Variants in ZNF660 observed in about 807,000 individuals in gnomAD.
The protein encoded by ZNF660 is zinc finger protein 660.
In ZNF660, 24 loss-of-function variants were observed where a neutral mutation model predicts 23.2. The observed-to-expected ratio is 1.04, with a 90% CI of 0.75 to 1.46. The LOEUF (loss-of-function observed/expected upper bound fraction) is 1.46, where lower values mean the gene tolerates loss of function less well. Among genes scored for constraint, ZNF660 ranks in the 40% most tolerant of loss-of-function variants. The pLI is 0.00. For synonymous variants in ZNF660, 117 were observed against 131.4 expected (o/e 0.89, Z 0.75); for missense variants, 373 against 396.8 (o/e 0.94, Z 0.51).
chr3:44,594,286 T>C lies in ZNF660; in HGVS notation c.93T>C (p.Asn31=), dbSNP rs371987898. ...GTGACCAAGAATCTGAAAAAGACAA[T>C]AGTCAGTGCTGTGACCCTGCAACAA... The part of the protein sequence containing the change: ...EGSDQESEKD[N]SQCCDPATNE... Residue 31 remains asparagine, a synonymous_variant, in exon 3 of 3, where the codon AAT becomes AAC. Transcript: ENST00000322734. The C allele has an allele frequency of 1.2e-6, 2 of 1,613,960 alleles. No individual in the cohort carries two copies. The highest frequency in any genetic ancestry group is 1.1e-5 in the South Asian group (1 of 91,080).
rs770310137 is a variant in ZNF660, at chr3:44,594,865, A to G, written c.672A>G (p.Gly224=). ...AGCCTTATGAATGTGATGAGTGTGGAAAAACTTTCATCTTAAGGAAAACTC... is the reference window on the plus strand; with the variant it reads ...AGCCTTATGAATGTGATGAGTGTGGGAAAACTTTCATCTTAAGGAAAACTC... The part of the protein sequence containing the change: ...GEKPYECDEC[G]KTFILRKTLN... The change falls in exon 3 of 3, where the codon GGA becomes GGG. Residue 224 remains glycine, a synonymous_variant. Transcript: ENST00000322734. 2.2e-5 allele frequency: 35 copies of G among 1,614,000 alleles called. No individual in the cohort carries two copies. Among genetic ancestry groups the G allele is most frequent in the African/African-American group, 4.0e-5 (3 of 74,926 alleles).
rs1700560703 is a variant in ZNF660 at position 44,594,883 on chromosome 3, G to A, written c.690G>A (p.Arg230=). ...CDECGKTFIL[R]KTLNEHQRLH... is the part of the protein sequence containing the mutation. ...AGTGTGGAAAAACTTTCATCTTAAG[G>A]AAAACTCTTAATGAACACCAGAGAC... Residue 230 remains arginine (R), a synonymous_variant, in exon 3 of 3, where the codon AGG becomes AGA. Transcript: ENST00000322734. The A allele has an allele frequency of 8.1e-6, 13 of 1,613,872 alleles. No individual in the cohort carries two copies. The highest frequency in any genetic ancestry group is 1.1e-5 in the Non-Finnish European group (13 of 1,180,022).
chr3:44,588,085 T>G (rs1700290017), intron 2 of ZNF660, among the ~76,000 whole-genome samples: 2 of 151,874 alleles, frequency 1.3e-5, no homozygotes, highest in African/African-American at 4.8e-5. Flanking sequence ...AAGAAAGAAA[T>G]ACCTGTGACT....
intron 2 of ZNF660, among the ~76,000 whole-genome samples, chr3:44,588,307 G>A (rs886963589): frequency 6.6e-6 from 1 of 152,000 alleles, no homozygotes; most frequent in Non-Finnish European, 1.5e-5. Context: ...ATGATCTCAC[G>A]AGAACTCACT....
intron 2 of ZNF660, among the ~76,000 whole-genome samples, chr3:44,592,534 G>C (rs1317690287): frequency 6.6e-6 from 1 of 152,112 alleles, no homozygotes; most frequent in Non-Finnish European, 1.5e-5. Flanking sequence ...CTGATGTTTG[G>C]TTTCATGTAT....
Position 44,595,112 on chromosome 3 carries a change from T to A in ZNF660, c.919T>A (p.Cys307Ser). ...TKEKPYKCSE[C>S]GKAYRYSSQL... Reference sequence around the variant, plus strand: ...GGAGAAACCCTATAAATGTAGTGAGTGTGGGAAAGCCTATCGGTATAGTTC... The same window carrying A: ...GGAGAAACCCTATAAATGTAGTGAGAGTGGGAAAGCCTATCGGTATAGTTC... The change falls in exon 3 of 3, where the codon TGT (cysteine) becomes AGT (serine). Residue 307 changes from cysteine (C) to serine (S), a missense_variant. By Grantham distance (112) the Cys-to-Ser change is moderately radical. Coordinates refer to ENST00000322734, the MANE Select transcript of ZNF660 (RefSeq NM_173658.4). The A allele has an allele frequency of 6.2e-7, 1 of 1,613,884 alleles. No homozygotes were observed. The highest frequency in any genetic ancestry group is 8.5e-7 in the Non-Finnish European group (1 of 1,179,944).
Position 44,585,013 on chromosome 3 carries a change from G to A in ZNF660, c.-290+6G>A, listed in dbSNP as rs1194120188. ...ATGTGGGTCTGGCGCTTTCGGTGAG[G>A]GGTGCTCTACAGTCTGGCGTGGGGG... On this transcript the variant is annotated splice_donor_region_variant and intron_variant, in intron 1 of 2. Transcript: ENST00000322734. The A allele has an allele frequency of 6.6e-6, 1 of 152,516 alleles. No homozygotes were observed. Among genetic ancestry groups the A allele is most frequent in the Non-Finnish European group, 1.5e-5 (1 of 68,286 alleles). The allele number at this position is 152,516 out of a possible 1,614,324, so 9.4% of individuals were successfully genotyped here.
Position 44,587,407 on chromosome 3 carries a change from C to A in ZNF660, c.-181+1194C>A, listed in dbSNP as rs997971956. Among the ~76,000 whole-genome samples the A allele has an allele frequency of 2.0e-5, 3 of 152,182 alleles. No individual in the cohort carries two copies. The East Asian group carries it at 5.8e-4, about 29-fold the overall frequency. On this transcript the variant is annotated intron_variant, in intron 2 of 2. Transcript: ENST00000322734. ...AGGGCCTTATCAGTCCTCATACATT[C>A]ACTGGCTGTCTGAGATTTTGCTTTT...
rs946514168 is a variant in ZNF660, at chr3:44,597,960, G to A, written c.*2771G>A. 5.3e-5 allele frequency: 8 copies of A among 152,146 alleles called. No homozygotes were observed. The highest frequency in any genetic ancestry group is 4.6e-4 in the Admixed American group (7 of 15,276). 9.4% of individuals were successfully genotyped at this position (152,146 alleles called of 1,614,324 possible). On this transcript the variant is annotated 3_prime_UTR_variant, in exon 3 of 3. Transcript: ENST00000322734. This position sits in a 1 kb window ranked among gnomAD's most constrained non-coding sequence, Gnocchi z 4.1. ...CTGCATCCTTTCAGATAAACATTCA[G>A]CTATAATTTGAACTGATCACCCACC...
intron 2 of ZNF660, among the ~76,000 whole-genome samples, chr3:44,589,881 C>G (rs369397928): frequency 6.6e-6 from 1 of 150,760 alleles, no homozygotes; most frequent in Admixed American, 6.6e-5. Context: ...GTAAGCAGGA[C>G]GGACAAAATC....
intron 2 of ZNF660, among the ~76,000 whole-genome samples, chr3:44,590,791 C>T (rs992026279): frequency 2.0e-5 from 3 of 152,226 alleles, no homozygotes; most frequent in Non-Finnish European, 2.9e-5. Context: ...TTCACTTGCT[C>T]TACTGCTCTG....
At position 44,595,073 on chromosome 3, in the gene ZNF660, A is replaced by G. The variant is rs1033881865; in HGVS notation, c.880A>G (p.Arg294Gly). The change falls in exon 3 of 3, where the codon AGA becomes GGA. Residue 294 changes from arginine (R) to glycine (G), a missense_variant. Coordinates refer to ENST00000322734, the MANE Select transcript of ZNF660 (RefSeq NM_173658.4). ...RQTSQVILHL[R>G]THTKEKPYKC... Reference sequence around the variant, plus strand: ...GACTTCTCAAGTTATTCTACACTTGAGAACCCACACTAAGGAGAAACCCTA... The same window carrying G: ...GACTTCTCAAGTTATTCTACACTTGGGAACCCACACTAAGGAGAAACCCTA... 1 of 1,613,940 alleles carries G rather than the reference A, an allele frequency of 6.2e-7. No individual in the cohort carries two copies. The highest frequency in any genetic ancestry group is 1.7e-5 in the Admixed American group (1 of 60,012).
Position 44,594,584 on chromosome 3 carries a change from G to A in ZNF660, c.391G>A (p.Glu131Lys). The A allele has an allele frequency of 6.2e-7, 1 of 1,613,890 alleles. No individual in the cohort carries two copies. The highest frequency in any genetic ancestry group is 8.5e-7 in the Non-Finnish European group (1 of 1,179,960). Residue 131 changes from glutamate (E) to lysine (K), a missense_variant, in exon 3 of 3, where the codon GAG (glutamate) becomes AAG (lysine). Glu to Lys is a moderately conservative substitution (Grantham distance 56). Transcript: ENST00000322734. The stretch of plus-strand genomic sequence containing the variant: ...TCGGCACCAGGGAATCCACAGTGGG[G>A]AGAAAACTTATGAATGTAAAGAGTG... ...LIRHQGIHSG[E>K]KTYECKECGK...
In ZNF660 at chr3:44,594,764, A is replaced by C. The variant is rs777197711; in HGVS notation, c.571A>C (p.Lys191Gln). Residue 191 changes from lysine (K) to glutamine (Q), a missense_variant, in exon 3 of 3, where the codon AAA (lysine) becomes CAA (glutamine). Coordinates refer to ENST00000322734, the MANE Select transcript of ZNF660 (RefSeq NM_173658.4). The stretch of plus-strand genomic sequence containing the variant: ...AATGCACAGAGGAAAAAAAGTTTAC[A>C]AATGTAAGGAGTGTGGGAAAACATG... Reference protein sequence around the residue: ...QRMHRGKKVYKCKECGKTCGS... With the variant: ...QRMHRGKKVYQCKECGKTCGS... The C allele has an allele frequency of 6.2e-7, 1 of 1,614,036 alleles. No homozygotes were observed. Among genetic ancestry groups the C allele is most frequent in the South Asian group, 1.1e-5 (1 of 91,076 alleles).
chr3:44,596,647 T>G lies in ZNF660; in HGVS notation c.*1458T>G, dbSNP rs1383650440. The G allele has an allele frequency of 3.3e-5, 5 of 152,226 alleles. No individual in the cohort carries two copies. The highest frequency in any genetic ancestry group is 7.3e-5 in the Non-Finnish European group (5 of 68,044). The allele number at this position is 152,226 out of a possible 1,614,324, so 9.4% of individuals were successfully genotyped here. The stretch of plus-strand genomic sequence containing the variant: ...TCCATAATTTTCAGCATGTTGACTT[T>G]CATTTTTCATAACCTCATGGTGGCA... On this transcript the variant is annotated 3_prime_UTR_variant, in exon 3 of 3. Transcript: ENST00000322734.
In ZNF660 at chr3:44,594,668, G is replaced by A; in HGVS notation, c.475G>A (p.Glu159Lys). The A allele has an allele frequency of 1.2e-6, 2 of 1,613,630 alleles. No individual in the cohort carries two copies. The highest frequency in any genetic ancestry group is 1.7e-5 in the Admixed American group (1 of 60,000). The change falls in exon 3 of 3, where the codon GAG becomes AAG. Residue 159 changes from glutamate to lysine, a missense_variant. Coordinates refer to ENST00000322734, the MANE Select transcript of ZNF660 (RefSeq NM_173658.4). ...ATCACATCACAGAGTTCACACCGGA[G>A]AGAAGCCCTATTCTTGTATTGAGTG... ...LISHHRVHTG[E>K]KPYSCIECGK... is the part of the protein sequence containing the mutation.
At chr3:44,586,874 T>C (rs1700240075) in intron 2 of ZNF660, among the ~76,000 whole-genome samples, 1 of 152,218 alleles carries the variant, frequency 6.6e-6, no homozygotes, top group Non-Finnish European at 1.5e-5. Flanking sequence ...GGAACTGCTC[T>C]CTGAGGGCAT....
At position 44,594,875 on chromosome 3, in the gene ZNF660, A is replaced by G. The variant is rs533448889; in HGVS notation, c.682A>G (p.Ile228Val). The G allele has an allele frequency of 6.2e-7, 1 of 1,614,168 alleles. No homozygotes were observed. The highest frequency in any genetic ancestry group is 1.1e-5 in the South Asian group (1 of 91,084). The change falls in exon 3 of 3, where the codon ATC becomes GTC. Residue 228 changes from isoleucine to valine, a missense_variant. Physicochemically the swap from Ile to Val is conservative, Grantham distance 29 (BLOSUM62 3). Transcript: ENST00000322734. ...ATGTGATGAGTGTGGAAAAACTTTC[A>G]TCTTAAGGAAAACTCTTAATGAACA... ...YECDECGKTF[I>V]LRKTLNEHQR...
rs765954115 is a variant in ZNF660 at position 44,594,785 on chromosome 3, A to T, written c.592A>T (p.Thr198Ser). Residue 198 changes from threonine to serine, a missense_variant, in exon 3 of 3, where the codon ACA becomes TCA. Coordinates refer to ENST00000322734, the MANE Select transcript of ZNF660 (RefSeq NM_173658.4). The part of the protein sequence containing the change: ...KVYKCKECGK[T>S]CGSNTKIMDH... ...TTACAAATGTAAGGAGTGTGGGAAA[A>T]CATGTGGTTCTAATACAAAGATTAT... The T allele has an allele frequency of 8.7e-6, 14 of 1,613,998 alleles. No individual in the cohort carries two copies. The highest frequency in any genetic ancestry group is 1.2e-5 in the Non-Finnish European group (14 of 1,179,980).
Sources: allele counts gnomAD v4.1 joint callset (sites outside exome capture counted in the v4.1 genomes callset), GRCh38; gene constraint gnomAD v4.1.1; non-coding constraint Gnocchi (gnomAD v3.1); transcripts MANE v1.5; gene names NCBI Gene and HGNC (gene_info 2026-07-23, HGNC 2026-07-21).